FAM163A: variants seen among roughly 807,000 people sequenced by gnomAD.
The protein encoded by FAM163A is protein FAM163A.
In FAM163A, 7 loss-of-function variants were observed where a neutral mutation model predicts 12.0. The observed-to-expected ratio is 0.58, with a 90% CI of 0.33 to 1.10. The LOEUF (loss-of-function observed/expected upper bound fraction) is 1.10, where lower values mean the gene tolerates loss of function less well. Ranked by LOEUF, FAM163A falls within the 50% of genes least tolerant of loss-of-function variation. The probability of loss-of-function intolerance (pLI) is 0.03; values close to 1 mark genes in which losing one functional copy is unlikely to be tolerated. For synonymous variants in FAM163A, 101 were observed against 91.0 expected (o/e 1.11, Z -0.62); for missense variants, 202 against 218.6 (o/e 0.92, Z 0.48).
At chr1:179,732,763 C>A in the FAM163A span, among the ~76,000 whole-genome samples, 1 of 151,306 alleles carries the variant, frequency 6.6e-6, no homozygotes, top group Admixed American at 6.6e-5. Flanking sequence ...TGCTTGTAGT[C>A]CCAGCTGCAC....
At chr1:179,812,169 C>T (rs1306879837) in intron 3 of FAM163A, 38 bp downstream of exon 3, 1 of 152,678 alleles carries the variant, frequency 6.5e-6, no homozygotes, top group African/African-American at 2.4e-5. Context: ...TCCAAGATGC[C>T]AACTTCCCAT....
At chr1:179,731,864 T>A in the FAM163A span, among the ~76,000 whole-genome samples, 4 of 152,232 alleles carry the variant, frequency 2.6e-5, no homozygotes, top group Non-Finnish European at 4.4e-5. Context: ...AAATATTACA[T>A]CCTTGAAAGC....
intron 3 of FAM163A, among the ~76,000 whole-genome samples, chr1:179,812,630 C>G (rs748451699): frequency 6.6e-6 from 1 of 152,140 alleles, no homozygotes; most frequent in Non-Finnish European, 1.5e-5. Context: ...TTCGCAGCCC[C>G]GTTCAGCATG....
chr1:179,758,199 A>C (rs1239746079), intron 1 of FAM163A, among the ~76,000 whole-genome samples: 4 of 152,226 alleles, frequency 2.6e-5, no homozygotes, highest in Non-Finnish European at 5.9e-5. Flanking sequence ...AGGAGGCGGT[A>C]AAACCAATGA....
At chr1:179,735,589 T>C in the FAM163A span, among the ~76,000 whole-genome samples, 1 of 139,894 alleles carries the variant, frequency 7.1e-6, no homozygotes, top group Non-Finnish European at 1.5e-5. Context: ...CCGCAAGCTC[T>C]GCCTCCCGGG....
At chr1:179,778,562 A>G (rs1198052364) in intron 1 of FAM163A, among the ~76,000 whole-genome samples, 1 of 152,172 alleles carries the variant, frequency 6.6e-6, no homozygotes, top group East Asian at 1.9e-4. Context: ...TTTACAGACC[A>G]TGGGACCTGA....
chr1:179,804,967 T>A (rs1693720492), intron 1 of FAM163A, among the ~76,000 whole-genome samples: 1 of 152,232 alleles, frequency 6.6e-6, no homozygotes, highest in South Asian at 2.1e-4. Context: ...AAAAGTTTTT[T>A]AAAAAGACAC....
At position 179,815,108 on chromosome 1, in the gene FAM163A, CGCACAG is replaced by C. The variant is rs1197162130; in HGVS notation, c.*920_*925del. 0.016 allele frequency: 870 copies of C among 53,574 alleles called. 16 individuals carry two copies. Among genetic ancestry groups the C allele is most frequent in the African/African-American group, 0.11 (751 of 7,036 alleles). The allele number at this position is 53,574 out of a possible 1,614,324, so 3.3% of individuals were successfully genotyped here. ...CCAGGTGTACGCACGCGCGCGCGCGCGCACAGACACACACACACACACACACACACA... is the reference window on the plus strand; with the variant it reads ...CCAGGTGTACGCACGCGCGCGCGCGCACACACACACACACACACACACACA... On this transcript the variant is annotated 3_prime_UTR_variant, in exon 5 of 5. Coordinates refer to ENST00000341785, the MANE Select transcript of FAM163A (RefSeq NM_173509.3).
At chr1:179,731,107 T>C in the FAM163A span, among the ~76,000 whole-genome samples, 2 of 152,250 alleles carry the variant, frequency 1.3e-5, no homozygotes, top group Admixed American at 6.5e-5. Context: ...TTTTTGGTGA[T>C]ACAAACCTGA....
intron 1 of FAM163A, among the ~76,000 whole-genome samples, chr1:179,769,886 T>C (rs138487859): frequency 2.1e-3 from 318 of 151,866 alleles, no homozygotes; most frequent in Admixed American, 3.3e-3. Flanking sequence ...TCATTTACTC[T>C]TTCATCCCTA....
intron 1 of FAM163A, among the ~76,000 whole-genome samples, chr1:179,783,407 TGTAAAACC>T (rs1375123916): frequency 6.6e-6 from 1 of 152,224 alleles, no homozygotes; most frequent in Non-Finnish European, 1.5e-5. Context: ...AGTGAAATTT[TGTAAAACC>T]GTTTGGGAAA....
At chr1:179,744,332 G>T (rs1684131037) in intron 1 of FAM163A, among the ~76,000 whole-genome samples, 1 of 152,062 alleles carries the variant, frequency 6.6e-6, no homozygotes, top group Non-Finnish European at 1.5e-5. Flanking sequence ...AGGGGGGCCT[G>T]GCCAAGCAGA....
At chr1:179,732,542 A>C in the FAM163A span, among the ~76,000 whole-genome samples, 1 of 152,098 alleles carries the variant, frequency 6.6e-6, no homozygotes, top group Non-Finnish European at 1.5e-5. Flanking sequence ...CTCCCAAGAT[A>C]AGAGACTGAC....
chr1:179,777,623 C>T (rs1319729940), intron 1 of FAM163A, among the ~76,000 whole-genome samples: 1 of 152,178 alleles, frequency 6.6e-6, no homozygotes, highest in East Asian at 1.9e-4. Flanking sequence ...ACACTCCTTT[C>T]AAAGAGCCGT....
intron 4 of FAM163A, among the ~76,000 whole-genome samples, 170 bp downstream of exon 4, chr1:179,813,360 T>C (rs957233132): frequency 2.0e-5 from 3 of 152,032 alleles, no homozygotes; most frequent in Admixed American, 1.3e-4. Flanking sequence ...GGAAGGGAGC[T>C]AAGTGCCCCC....
chr1:179,777,611 G>C (rs1343227151), intron 1 of FAM163A, among the ~76,000 whole-genome samples: 1 of 152,116 alleles, frequency 6.6e-6, no homozygotes, highest in African/African-American at 2.4e-5. Flanking sequence ...CTGCTTCCTG[G>C]TACACTCCTT....
chr1:179,738,744 ACTGAATG>A (rs1377684060), upstream of FAM163A, among the ~76,000 whole-genome samples: 1 of 152,222 alleles, frequency 6.6e-6, no homozygotes, highest in Admixed American at 6.5e-5. Context: ...ATCATGAAAG[ACTGAATG>A]CTTTCTCCCT....
the FAM163A span, among the ~76,000 whole-genome samples, chr1:179,737,946 A>G: frequency 1.3e-5 from 2 of 152,238 alleles, no homozygotes; most frequent in Non-Finnish European, 2.9e-5. Context: ...GTCCAAACTC[A>G]TTAGATTGAA....
chr1:179,777,920 T>C (rs530424324), intron 1 of FAM163A, among the ~76,000 whole-genome samples: 2 of 152,200 alleles, frequency 1.3e-5, no homozygotes, highest in Non-Finnish European at 2.9e-5. Context: ...CATGACTGAC[T>C]GGCTGCATGT....
Sources: allele counts gnomAD v4.1 joint callset (sites outside exome capture counted in the v4.1 genomes callset), GRCh38; gene constraint gnomAD v4.1.1; transcripts MANE v1.5; gene names NCBI Gene and HGNC (gene_info 2026-07-23, HGNC 2026-07-21).